ZP2: variants seen among roughly 807,000 people sequenced by gnomAD.
The protein encoded by ZP2 is zona pellucida sperm-binding protein 2.
A neutral mutation model predicts 84.0 loss-of-function variants in ZP2; 51 were observed. The ratio of observed to expected loss-of-function variants is 0.61; its 90% CI spans 0.49 to 0.77. The LOEUF is 0.77. Ranked by LOEUF, ZP2 falls within the 30% of genes least tolerant of loss-of-function variation. The pLI is 0.00. For missense variants in ZP2, 909 were observed against 911.9 expected (o/e 1.00, Z 0.04); for synonymous variants, 375 against 330.9 (o/e 1.13, Z -1.45).
rs1279965478 is a variant in ZP2, at chr16:21,199,573, G to C, written c.1924C>G (p.Arg642Gly). 1.9e-6 allele frequency: 3 copies of C among 1,579,452 alleles called. No individual in the cohort carries two copies. The highest frequency in any genetic ancestry group is 2.2e-5 in the East Asian group (1 of 44,590). Reference sequence around the variant, plus strand: ...AACAGGAATTTGAAGTTTTTACCTCGCCTGTGCCTAGAGGACACAGGGCAG... The same window carrying C: ...AACAGGAATTTGAAGTTTTTACCTCCCCTGTGCCTAGAGGACACAGGGCAG... ...VTCPVSSRHRRATGATEAEKM... is the reference protein window; with the variant it reads ...VTCPVSSRHRGATGATEAEKM... The change falls in exon 16 of 19, where the codon CGA becomes GGA. Residue 642 changes from arginine (R) to glycine (G), a missense_variant. Physicochemically the swap from Arg to Gly is moderately radical, Grantham distance 125 (BLOSUM62 -2). Transcript: ENST00000574091.
At position 21,202,031 on chromosome 16, in the gene ZP2, G is replaced by A. The variant is rs1298471701; in HGVS notation, c.1288-8C>T. ...GACTTTATCATCTTCGAACTTAAAT[G>A]TCAGAGAAAGTGGGTTAGCAGCCAG... On this transcript the variant is annotated splice_region_variant and splice_polypyrimidine_tract_variant and intron_variant, in intron 11 of 18. Transcript: ENST00000574091. 6.2e-7 allele frequency: 1 copy of A among 1,613,886 alleles called. No homozygotes were observed. Among genetic ancestry groups the A allele is most frequent in the South Asian group, 1.1e-5 (1 of 91,058 alleles).
In ZP2 at chr16:21,201,693, T is replaced by G. The variant is rs187051401; in HGVS notation, c.1504+13A>C. 1.2e-6 allele frequency: 2 copies of G among 1,614,076 alleles called. No homozygotes were observed. The highest frequency in any genetic ancestry group is 1.7e-5 in the Admixed American group (1 of 60,028). ...AGATCATTTAAGCAATTTCACAGAC[T>G]GCAATCTCTTACCTGGGTAGCTTTG... On this transcript the variant is annotated intron_variant, in intron 13 of 18. Transcript: ENST00000574091.
chr16:21,212,701 C>A (rs896660454), upstream of ZP2, among the ~76,000 whole-genome samples: 2 of 152,114 alleles, frequency 1.3e-5, no homozygotes, highest in Admixed American at 6.5e-5. Context: ...CCTTGGGTAA[C>A]CCTCAAGATA....
intron 5 of ZP2, among the ~76,000 whole-genome samples, chr16:21,206,466 G>A (rs2093250104): frequency 6.6e-6 from 1 of 152,184 alleles, no homozygotes; most frequent in African/African-American, 2.4e-5. Flanking sequence ...ATGAAGATGT[G>A]ACTGGGTCGT....
At chr16:21,203,303 C>A (rs372562776) in intron 9 of ZP2, 52 bp from the exon 10 acceptor site, 1 of 1,604,338 alleles carries the variant, frequency 6.2e-7, no homozygotes, top group South Asian at 1.1e-5. Flanking sequence ...GGCCCGGAAC[C>A]GTCACAGGGA....
upstream of ZP2, chr16:21,211,758 G>C: frequency 6.8e-7 from 1 of 1,462,808 alleles, no homozygotes; most frequent in Non-Finnish European, 9.0e-7. Flanking sequence ...TGTGGGCCAG[G>C]CATGAAATCA....
At position 21,204,164 on chromosome 16, in the gene ZP2, ACT is replaced by A. The variant is rs752062495; in HGVS notation, c.836_837del (p.Glu279ValfsTer6). ...NATHMTLTIP[E>X]FPGKLKSVSF... ...CTCACAGACTTAAGCTTCCCAGGAA[ACT>A]CTGGTATGGTGAGAGTCATGTGTGT... On this transcript the variant is annotated frameshift_variant, in exon 9 of 19. Coordinates refer to ENST00000574091, the MANE Select transcript of ZP2 (RefSeq NM_001376232.1). LOFTEE classifies it high-confidence loss of function. 5.0e-6 allele frequency: 8 copies of A among 1,613,940 alleles called. No homozygotes were observed. The highest frequency in any genetic ancestry group is 4.0e-5 in the African/African-American group (3 of 74,880).
In ZP2 at chr16:21,211,395, G is replaced by A. The variant is rs2093274553; in HGVS notation, c.63C>T (p.Ser21=). 3 of 1,614,148 alleles carry A rather than the reference G, an allele frequency of 1.9e-6. No individual in the cohort carries two copies. Among genetic ancestry groups the A allele is most frequent in the Non-Finnish European group, 1.7e-6 (2 of 1,180,014 alleles). The stretch of plus-strand genomic sequence containing the variant: ...AGAAGAGAGAAATCGACCTGTAGGT[G>A]CTGGAAAGAGACAGGGAGATAGTCA... The part of the protein sequence containing the change: ...SPSGWFNAGW[S]TYRSISLFFA... Residue 21 remains serine, a splice_region_variant and synonymous_variant, in exon 2 of 19, where the codon AGC becomes AGT. Transcript: ENST00000574091.
intron 4 of ZP2, among the ~76,000 whole-genome samples, chr16:21,208,909 G>A (rs1187123140): frequency 6.6e-6 from 1 of 152,144 alleles, no homozygotes; most frequent in African/African-American, 2.4e-5. Flanking sequence ...GCTTGAAAGG[G>A]CTCACTTGGT....
At chr16:21,203,047 CCTT>C in intron 10 of ZP2, 75 bp downstream of exon 10, 2 of 1,526,898 alleles carry the variant, frequency 1.3e-6, no homozygotes, top group Non-Finnish European at 1.8e-6. Context: ...CAGAATCTGA[CCTT>C]CTATACATTT....
In ZP2 at chr16:21,201,687, A is replaced by T. The variant is rs747297867; in HGVS notation, c.1504+19T>A. ...AGTTTGAGATCATTTAAGCAATTTC[A>T]CAGACTGCAATCTCTTACCTGGGTA... On this transcript the variant is annotated intron_variant, in intron 13 of 18. Transcript: ENST00000574091. 7.4e-6 allele frequency: 12 copies of T among 1,613,972 alleles called. No individual in the cohort carries two copies. The highest frequency in any genetic ancestry group is 9.3e-6 in the Non-Finnish European group (11 of 1,179,984).
In ZP2 at chr16:21,204,423, G is replaced by T; in HGVS notation, c.694-19C>A. 1.3e-6 allele frequency: 2 copies of T among 1,599,802 alleles called. No homozygotes were observed. Among genetic ancestry groups the T allele is most frequent in the East Asian group, 4.5e-5 (2 of 44,778 alleles). On this transcript the variant is annotated intron_variant, in intron 7 of 18. Transcript: ENST00000574091. Reference sequence around the variant, plus strand: ...TACCTTGCTAGGGGGAGAAATAACAGTGATCTTCAAAAACATTGGTTACTT... The same window carrying T: ...TACCTTGCTAGGGGGAGAAATAACATTGATCTTCAAAAACATTGGTTACTT...
At chr16:21,211,578 G>C, upstream of ZP2, 1 of 1,613,960 alleles carries the variant, frequency 6.2e-7, no homozygotes, top group Admixed American at 1.7e-5. Flanking sequence ...CAACCAGGTA[G>C]AGGGTAGGCT....
intron 5 of ZP2, among the ~76,000 whole-genome samples, chr16:21,206,188 G>A (rs902267488): frequency 6.6e-6 from 1 of 152,064 alleles, no homozygotes; most frequent in Middle Eastern, 3.2e-3. Context: ...GTAGAGATGG[G>A]TTTTCACCAT....
Position 21,201,567 on chromosome 16 carries a change from G to A in ZP2, c.1505-9C>T. 1 of 1,603,556 alleles carries A rather than the reference G, an allele frequency of 6.2e-7. No homozygotes were observed. Among genetic ancestry groups the A allele is most frequent in the Non-Finnish European group, 8.5e-7 (1 of 1,173,774 alleles). On this transcript the variant is annotated splice_polypyrimidine_tract_variant and intron_variant, in intron 13 of 18. Coordinates refer to ENST00000574091, the MANE Select transcript of ZP2 (RefSeq NM_001376232.1). ...TTGTTGGTAGGAATTATCTGAAATTGAATGGTATTCAAGTAGTTAATGGCT... is the reference window on the plus strand; with the variant it reads ...TTGTTGGTAGGAATTATCTGAAATTAAATGGTATTCAAGTAGTTAATGGCT...
In ZP2 at chr16:21,209,557, T is replaced by C. The variant is rs561485685; in HGVS notation, c.330+74A>G. On this transcript the variant is annotated intron_variant, in intron 4 of 18. Transcript: ENST00000574091. ...CTGCTTTACTCCAAAGAGAAAGTTC[T>C]TAGCCAAGTTTACTGCCAGTAACTC... is the stretch of plus-strand genomic sequence containing the variant. 4.6e-5 allele frequency: 65 copies of C among 1,411,244 alleles called. No homozygotes were observed. In the South Asian group the frequency reaches 7.1e-4, roughly 15 times the overall value. 87.4% of individuals were successfully genotyped at this position (1,411,244 alleles called of 1,614,324 possible). A position where few individuals can be genotyped will look rare whatever the true frequency, so the allele number is the denominator to read the frequency against.
Position 21,197,797 on chromosome 16 carries a change from CCTA to C in ZP2, c.2061_2063del (p.Ser687del). 1.9e-6 allele frequency: 3 copies of C among 1,614,214 alleles called. No homozygotes were observed. The highest frequency in any genetic ancestry group is 2.5e-6 in the Non-Finnish European group (3 of 1,180,032). Reference sequence around the variant, plus strand: ...AGCCAACCTCCTCCCCTGTTTCACTCCTACTCTTCTCCCCACTGCTCCCACTTG... The same window carrying C: ...AGCCAACCTCCTCCCCTGTTTCACTCCTCTTCTCCCCACTGCTCCCACTTG... On this transcript the variant is annotated inframe_deletion, in exon 18 of 19. Transcript: ENST00000574091.
chr16:21,209,350 G>A (rs1405520204), intron 4 of ZP2, among the ~76,000 whole-genome samples: 1 of 152,130 alleles, frequency 6.6e-6, no homozygotes, highest in Non-Finnish European at 1.5e-5. Context: ...TGTATTTTTA[G>A]TAGGGATGGG....
At chr16:21,202,818 A>G (rs538293621) in intron 10 of ZP2, among the ~76,000 whole-genome samples, 2 of 152,190 alleles carry the variant, frequency 1.3e-5, no homozygotes, top group Admixed American at 1.3e-4. Context: ...GTGGGGGGGT[A>G]CTTAAACTTA....
Sources: gnomAD v4.1 joint callset for allele counts (sites outside exome capture counted in the v4.1 genomes callset) on GRCh38, gnomAD v4.1.1 for gene constraint, MANE v1.5 for transcripts, NCBI Gene and HGNC (gene_info 2026-07-23, HGNC 2026-07-21) for gene names.